The following PCDHA3 variants were observed in gnomAD, a reference collection of about 807,000 sequenced individuals.
The protein encoded by PCDHA3 is protocadherin alpha 3.
In PCDHA3, 41 loss-of-function variants were observed where a neutral mutation model predicts 62.2. The ratio of observed to expected loss-of-function variants is 0.66; its 90% CI spans 0.51 to 0.86. The LOEUF is 0.86. PCDHA3 is among the 40% of genes least tolerant of loss of function. The pLI is 0.00. For missense variants in PCDHA3, 1,304 were observed against 1,241.2 expected (o/e 1.05, Z -0.76); for synonymous variants, 640 against 555.4 (o/e 1.15, Z -2.14).
At chr5:140,940,599 C>T (rs1356432549) in intron 1 of PCDHA3, among the ~76,000 whole-genome samples, 2 of 151,918 alleles carry the variant, frequency 1.3e-5, no homozygotes, top group African/African-American at 4.8e-5. Context: ...AGGCATGAGC[C>T]GCTGCTCCTG....
At chr5:140,809,445 A>T in intron 1 of PCDHA3, 1 of 1,614,234 alleles carries the variant, frequency 6.2e-7, no homozygotes, top group Non-Finnish European at 8.5e-7. Context: ...TACTCGCAGC[A>T]GAGGAGGCCG....
At chr5:140,805,566 G>A in intron 1 of PCDHA3, 8 of 964,542 alleles carry the variant, frequency 8.3e-6, no homozygotes, top group Non-Finnish European at 9.9e-6. Context: ...GGCAAGGAAA[G>A]TTTTTAAATG....
In PCDHA3 at chr5:140,872,848, A is replaced by G. The variant is rs531539520; in HGVS notation, c.2394+69257A>G. ...AGCAGAGAAAAAATTAAATATATTA[A>G]TGTGAGTACCTACTGACAATTATCA... On this transcript the variant is annotated intron_variant, in intron 1 of 3. Transcript: ENST00000522353. Among the ~76,000 whole-genome samples the G allele has an allele frequency of 3.3e-5, 5 of 152,332 alleles. No individual in the cohort carries two copies. The South Asian group carries it at 1.0e-3, about 32-fold the overall frequency.
chr5:140,808,621 T>G lies in PCDHA3; in HGVS notation c.2394+5030T>G, dbSNP rs114189758. 8.5e-4 allele frequency: 1,376 copies of G among 1,613,736 alleles called. 16 individuals carry two copies. In the African/African-American group the frequency reaches 0.017, roughly 19 times the overall value. On this transcript the variant is annotated intron_variant, in intron 1 of 3. Coordinates refer to ENST00000522353, the MANE Select transcript of PCDHA3 (RefSeq NM_018906.3). ...CGGGCTGCCACATCTTCACTGTGTCTGCGTGGGACGCGGACGCGCAGGAGA... is the reference window on the plus strand; with the variant it reads ...CGGGCTGCCACATCTTCACTGTGTCGGCGTGGGACGCGGACGCGCAGGAGA...
chr5:140,804,989 A>G, intron 1 of PCDHA3: 1 of 1,520,108 alleles, frequency 6.6e-7, no homozygotes. Flanking sequence ...TCAGGTCAGT[A>G]TTTTAAAAAT....
Position 140,830,013 on chromosome 5 carries a change from A to T in PCDHA3, c.2394+26422A>T, listed in dbSNP as rs2150179527. The T allele has an allele frequency of 5.0e-6, 8 of 1,613,332 alleles. No homozygotes were observed. The Admixed American group carries it at 1.0e-4, about 20-fold the overall frequency. On this transcript the variant is annotated intron_variant, in intron 1 of 3. Coordinates refer to ENST00000522353, the MANE Select transcript of PCDHA3 (RefSeq NM_018906.3). ...ACCACTCGTGTCCTGGACGAAGCGG[A>T]CTCTCCGCGCCACCGGCTGCTGGTG...
intron 1 of PCDHA3, among the ~76,000 whole-genome samples, chr5:140,919,522 C>CT (rs1554199133): frequency 6.6e-6 from 1 of 152,000 alleles, no homozygotes; most frequent in African/African-American, 2.4e-5. Context: ...TTTTAATTCT[C>CT]TTTTTTTCCT....
intron 1 of PCDHA3, among the ~76,000 whole-genome samples, chr5:140,978,185 G>C (rs1177844558): frequency 1.3e-5 from 2 of 152,168 alleles, no homozygotes; most frequent in East Asian, 3.8e-4. Context: ...GAGGGCAACA[G>C]ATCTTTTCAA....
chr5:140,876,764 G>A (rs1562718507), intron 1 of PCDHA3: 3 of 1,614,220 alleles, frequency 1.9e-6, no homozygotes, highest in Non-Finnish European at 2.5e-6. Context: ...CGGGATGGGG[G>A]CTCGCCTTCG....
At position 140,802,719 on chromosome 5, in the gene PCDHA3, G is replaced by C. The variant is rs1554122310; in HGVS notation, c.1522G>C (p.Val508Leu). 6 of 1,612,610 alleles carry C rather than the reference G, an allele frequency of 3.7e-6. No homozygotes were observed. Among genetic ancestry groups the C allele is most frequent in the Non-Finnish European group, 4.2e-6 (5 of 1,179,802 alleles). Residue 508 changes from valine (V) to leucine (L), a missense_variant, in exon 1 of 4, where the codon GTG becomes CTG. Transcript: ENST00000522353. ...GGGGGAGCGCGCGCTGTCGAGCTAC[G>C]TGTCGGTACACGCGGAGAGCGGCAA... ...RVGERALSSY[V>L]SVHAESGKVY...
chr5:140,803,615 T>C (rs1763249108), intron 1 of PCDHA3, 24 bp downstream of exon 1: 1 of 1,613,992 alleles, frequency 6.2e-7, no homozygotes, highest in Non-Finnish European at 8.5e-7. Context: ...ATTTATTCTT[T>C]CCAAAATGTC....
At chr5:140,937,326 C>G (rs1287239556) in intron 1 of PCDHA3, among the ~76,000 whole-genome samples, 2 of 152,046 alleles carry the variant, frequency 1.3e-5, no homozygotes, top group Non-Finnish European at 2.9e-5. Flanking sequence ...CGTGAGCCAC[C>G]GCGCCCGGCT....
At position 140,858,109 on chromosome 5, in the gene PCDHA3, C is replaced by G. The variant is rs782526722; in HGVS notation, c.2394+54518C>G. 17 of 1,597,646 alleles carry G rather than the reference C, an allele frequency of 1.1e-5. 1 individual carries two copies. The highest frequency in any genetic ancestry group is 1.2e-5 in the Non-Finnish European group (14 of 1,167,662). ...CGCGGGCTTCAGTGGGCGTGGCGCC[C>G]GAGGTGGCCCTGGTGGATGTCAACG... On this transcript the variant is annotated intron_variant, in intron 1 of 3. Transcript: ENST00000522353.
rs2150116611 is a variant in PCDHA3 at position 140,822,468 on chromosome 5, A to G, written c.2394+18877A>G. On this transcript the variant is annotated intron_variant, in intron 1 of 3. Coordinates refer to ENST00000522353, the MANE Select transcript of PCDHA3 (RefSeq NM_018906.3). Reference sequence around the variant, plus strand: ...GTACAGTTCAGTTGTTGATCAATGTATTGGATGCTAATGATAACGCCCCAG... The same window carrying G: ...GTACAGTTCAGTTGTTGATCAATGTGTTGGATGCTAATGATAACGCCCCAG... 11 of 1,613,676 alleles carry G rather than the reference A, an allele frequency of 6.8e-6. No individual in the cohort carries two copies. The African/African-American group carries it at 1.5e-4, about 22-fold the overall frequency.
chr5:140,982,661 T>C, intron 3 of PCDHA3, 98 bp downstream of exon 3: 1 of 1,482,624 alleles, frequency 6.7e-7, no homozygotes, highest in Admixed American at 2.6e-5. Flanking sequence ...TCTTTTTCTT[T>C]TATATTTTTG....
intron 1 of PCDHA3, among the ~76,000 whole-genome samples, chr5:140,896,969 CACAA>C (rs1554187153): frequency 2.0e-5 from 3 of 152,106 alleles, no homozygotes; most frequent in African/African-American, 7.2e-5. Context: ...TTATTCTTTG[CACAA>C]ACAAACCAGT....
chr5:140,843,740 C>G (rs782492231), intron 1 of PCDHA3: 1 of 1,536,514 alleles, frequency 6.5e-7, no homozygotes, highest in Non-Finnish European at 8.9e-7. Flanking sequence ...ATTTAGAACT[C>G]ATAAATTCTA....
At chr5:140,815,498 T>C (rs1447684497) in intron 1 of PCDHA3, 1 of 151,538 alleles carries the variant, frequency 6.6e-6, no homozygotes, top group Non-Finnish European at 1.5e-5. Flanking sequence ...TTTTATGTTA[T>C]TGATGTCATA....
intron 1 of PCDHA3, chr5:140,876,746 T>C (rs1411489174): frequency 3.7e-6 from 6 of 1,614,098 alleles, no homozygotes; most frequent in Admixed American, 3.3e-5. Flanking sequence ...GAGCTGGTGG[T>C]GACTGCGCGG....
Sources: allele counts gnomAD v4.1 joint callset (sites outside exome capture counted in the v4.1 genomes callset), GRCh38; gene constraint gnomAD v4.1.1; transcripts MANE v1.5; gene names NCBI Gene and HGNC (gene_info 2026-07-23, HGNC 2026-07-21).